The following DEPDC1B variants were observed in gnomAD, a reference collection of about 807,000 sequenced individuals.
DEPDC1B encodes DEP domain containing 1B, also known as DEP domain-containing protein 1B.
DEPDC1B carries 51 observed loss-of-function variants against 66.5 expected under a neutral mutation model. That is an observed-to-expected ratio of 0.77 (90% CI 0.61 to 0.97). The LOEUF is 0.97. DEPDC1B is among the 50% of genes least tolerant of loss of function. The probability of loss-of-function intolerance (pLI) is 0.00; values close to 1 mark genes in which losing one functional copy is unlikely to be tolerated. For missense variants in DEPDC1B, 552 were observed against 637.1 expected (o/e 0.87, Z 1.44); for synonymous variants, 226 against 223.6 (o/e 1.01, Z -0.10).
chr5:60,683,082 G>C (rs1754334231), intron 2 of DEPDC1B, among the ~76,000 whole-genome samples: 2 of 152,024 alleles, frequency 1.3e-5, no homozygotes. Context: ...ACATCAAAAA[G>C]GTAATATACA....
intron 7 of DEPDC1B, among the ~76,000 whole-genome samples, chr5:60,633,630 G>C (rs908149472): frequency 1.3e-5 from 2 of 152,204 alleles, no homozygotes; most frequent in African/African-American, 4.8e-5. Context: ...CTGGGAGTGA[G>C]CCCAGCTGAG....
chr5:60,690,081 T>C (rs930385399), intron 1 of DEPDC1B, among the ~76,000 whole-genome samples: 1 of 152,210 alleles, frequency 6.6e-6, no homozygotes, highest in Non-Finnish European at 1.5e-5. Context: ...ATTTACAAGT[T>C]AAATTTTATT....
chr5:60,699,943 C>T, intron 1 of DEPDC1B, 103 bp downstream of exon 1: 1 of 1,401,618 alleles, frequency 7.1e-7, no homozygotes, highest in East Asian at 2.5e-5. Flanking sequence ...CACCCGAGCC[C>T]CGCTGGCCTG....
At chr5:60,662,392 A>G (rs1439974062) in intron 2 of DEPDC1B, among the ~76,000 whole-genome samples, 5 of 152,156 alleles carry the variant, frequency 3.3e-5, no homozygotes, top group African/African-American at 1.2e-4. Context: ...CGTCTCAAAA[A>G]AAAAAAACTT....
At chr5:60,608,784 C>T (rs932712220) in intron 7 of DEPDC1B, among the ~76,000 whole-genome samples, 5 of 151,946 alleles carry the variant, frequency 3.3e-5, no homozygotes, top group Non-Finnish European at 7.4e-5. Context: ...GCTTGCCAAA[C>T]TTAGAGTAGA....
intron 2 of DEPDC1B, among the ~76,000 whole-genome samples, chr5:60,683,975 GAAATCAAA>G (rs1257722266): frequency 6.7e-6 from 1 of 149,364 alleles, no homozygotes; most frequent in Non-Finnish European, 1.5e-5. Flanking sequence ...TAGCTGAAAA[GAAATCAAA>G]AAAGCAATCC....
chr5:60,624,495 T>C (rs2111798288), intron 7 of DEPDC1B, among the ~76,000 whole-genome samples: 1 of 152,336 alleles, frequency 6.6e-6, no homozygotes, highest in East Asian at 1.9e-4. Context: ...ATGTCAATAC[T>C]GGCCTCATAA....
chr5:60,660,246 A>C (rs1441564298), intron 2 of DEPDC1B, among the ~76,000 whole-genome samples: 1 of 149,168 alleles, frequency 6.7e-6, no homozygotes, highest in Non-Finnish European at 1.5e-5. Flanking sequence ...GACAGAGAGG[A>C]GAGACAGAGA....
chr5:60,694,499 TCACACTTC>T (rs1754614011), intron 1 of DEPDC1B, among the ~76,000 whole-genome samples: 1 of 152,186 alleles, frequency 6.6e-6, no homozygotes, highest in Non-Finnish European at 1.5e-5. Context: ...TTGTAGCAAT[TCACACTTC>T]CACCAACAAT....
intron 1 of DEPDC1B, among the ~76,000 whole-genome samples, chr5:60,687,461 A>G (rs892457268): frequency 1.3e-5 from 2 of 152,090 alleles, no homozygotes; most frequent in African/African-American, 4.8e-5. Flanking sequence ...CCATAGAACT[A>G]TATATATAAA....
intron 6 of DEPDC1B, 130 bp from the exon 7 acceptor site, chr5:60,639,020 A>C: frequency 2.1e-6 from 2 of 955,682 alleles, no homozygotes; most frequent in Non-Finnish European, 3.0e-6. Flanking sequence ...TTTTATGGGG[A>C]AAATTGACAT....
At chr5:60,626,215 G>A (rs922360882) in intron 7 of DEPDC1B, among the ~76,000 whole-genome samples, 2 of 152,042 alleles carry the variant, frequency 1.3e-5, no homozygotes, top group African/African-American at 4.8e-5. Context: ...TTAGAATAAT[G>A]TTTCCAAGAT....
intron 2 of DEPDC1B, 77 bp downstream of exon 2, chr5:60,686,885 G>C: frequency 6.4e-7 from 1 of 1,551,312 alleles, no homozygotes; most frequent in African/African-American, 1.4e-5. Flanking sequence ...TTACACATCA[G>C]GAAGCTTCAA....
intron 7 of DEPDC1B, among the ~76,000 whole-genome samples, chr5:60,618,239 A>G (rs991099513): frequency 2.0e-5 from 3 of 152,232 alleles, no homozygotes. Context: ...TAGAGAAGCA[A>G]GAGCAAACAC....
intron 2 of DEPDC1B, among the ~76,000 whole-genome samples, chr5:60,675,169 G>A (rs1404692882): frequency 6.6e-6 from 1 of 152,264 alleles, no homozygotes; most frequent in South Asian, 2.1e-4. Context: ...ACCCCTGTCG[G>A]TTTCCACTGT....
chr5:60,686,824 C>T (rs142433500), intron 2 of DEPDC1B, 138 bp downstream of exon 2: 101 of 1,106,382 alleles, frequency 9.1e-5, no homozygotes, highest in Non-Finnish European at 9.7e-5. Context: ...ATTCAGTTCT[C>T]CACTCAACAA....
intron 2 of DEPDC1B, among the ~76,000 whole-genome samples, chr5:60,673,836 A>G (rs1056875793): frequency 1.3e-5 from 2 of 152,208 alleles, no homozygotes; most frequent in Non-Finnish European, 2.9e-5. Flanking sequence ...TCTCTCCAAA[A>G]GAGTGTTCTC....
intron 5 of DEPDC1B, among the ~76,000 whole-genome samples, chr5:60,643,218 G>A (rs180821361): frequency 7.2e-5 from 11 of 152,182 alleles, no homozygotes; most frequent in East Asian, 1.9e-4. Context: ...AATATTAGTC[G>A]TCAAACACAT....
rs532887620 is a variant in DEPDC1B, at chr5:60,629,794, C to T, written c.898+8956G>A. Among the ~76,000 whole-genome samples the T allele has an allele frequency of 1.7e-3, 253 of 152,286 alleles. 1 individual carries two copies. The highest frequency in any genetic ancestry group is 3.4e-3 in the Middle Eastern group (1 of 294). On this transcript the variant is annotated intron_variant, in intron 7 of 10. Coordinates refer to ENST00000265036, the MANE Select transcript of DEPDC1B (RefSeq NM_018369.3). ...ACAACCCTTTCAGATATATAATCCC[C>T]CATAATTTTGTCCCAATCTACTGGA...
Sources: gnomAD v4.1 joint callset for allele counts (sites outside exome capture counted in the v4.1 genomes callset) on GRCh38, gnomAD v4.1.1 for gene constraint, MANE v1.5 for transcripts, NCBI Gene and HGNC (gene_info 2026-07-23, HGNC 2026-07-21) for gene names.